LEPR: variants seen among roughly 807,000 people sequenced by gnomAD.
The protein encoded by LEPR is leptin receptor.
Under a neutral mutation model 114.7 loss-of-function variants are expected in LEPR, and 56 were observed. That is an observed-to-expected ratio of 0.49 (90% CI 0.39 to 0.61). The LOEUF (loss-of-function observed/expected upper bound fraction) is 0.61, where lower values mean the gene tolerates loss of function less well. Among genes scored for constraint, LEPR ranks in the 20% least tolerant of loss-of-function variants. The pLI is 0.00. For synonymous variants in LEPR, 443 were observed against 461.4 expected (o/e 0.96, Z 0.51); for missense variants, 1,202 against 1,352.9 (o/e 0.89, Z 1.75).
At chr1:65,568,602 C>G (rs933728770) in intron 3 of LEPR, among the ~76,000 whole-genome samples, 4 of 151,768 alleles carry the variant, frequency 2.6e-5, no homozygotes, top group Non-Finnish European at 4.4e-5. Flanking sequence ...GATTCCATGA[C>G]TTTGCTATTG....
chr1:65,420,677 G>A lies in LEPR; in HGVS notation c.-160G>A, dbSNP rs778179157. ...CCGGTCTGGCTTGGGCAGGCTGCCC[G>A]GGCCGTGGCAGGAAGCCGGAAGCAG... On this transcript the variant is annotated 5_prime_UTR_variant, in exon 1 of 20. Transcript: ENST00000349533. 6.4e-7 allele frequency: 1 copy of A among 1,563,542 alleles called. No individual in the cohort carries two copies.
chr1:65,480,912 G>T (rs934335894), intron 2 of LEPR, among the ~76,000 whole-genome samples: 1 of 152,148 alleles, frequency 6.6e-6, no homozygotes, highest in Admixed American at 6.5e-5. Context: ...TGAACAACTA[G>T]CTTACACTCC....
intron 5 of LEPR, among the ~76,000 whole-genome samples, chr1:65,583,044 G>A (rs1655097830): frequency 6.6e-6 from 1 of 151,076 alleles, no homozygotes; most frequent in Non-Finnish European, 1.5e-5. Context: ...TGGAAAAAAT[G>A]TAGGAAATAA....
chr1:65,630,972 CTT>C (rs1469942933), intron 19 of LEPR, among the ~76,000 whole-genome samples: 1 of 152,056 alleles, frequency 6.6e-6, no homozygotes, highest in Non-Finnish European at 1.5e-5. Flanking sequence ...CTTGGCCTCT[CTT>C]TTATTATCTC....
chr1:65,534,002 TTC>T (rs892290772), intron 2 of LEPR, among the ~76,000 whole-genome samples: 3 of 152,154 alleles, frequency 2.0e-5, no homozygotes, highest in Non-Finnish European at 2.9e-5. Context: ...CATTCAACCT[TTC>T]TATATTCTTA....
chr1:65,634,260 G>T (rs55951186), intron 19 of LEPR: 31 of 976,930 alleles, frequency 3.2e-5, no homozygotes, highest in Admixed American at 6.2e-5. Flanking sequence ...GATTTAACTC[G>T]TAGTTTTATT....
chr1:65,503,170 G>A (rs1261332209), intron 2 of LEPR, among the ~76,000 whole-genome samples: 1 of 152,110 alleles, frequency 6.6e-6, no homozygotes, highest in Non-Finnish European at 1.5e-5. Flanking sequence ...AGGTTGAACA[G>A]GTGAAGCACA....
rs1307142985 is a variant in LEPR at position 65,640,695 on chromosome 1, A to G, written c.*3680A>G. The G allele has an allele frequency of 6.6e-6, 1 of 152,022 alleles. No individual in the cohort carries two copies. The highest frequency in any genetic ancestry group is 1.5e-5 in the Non-Finnish European group (1 of 67,996). The allele number at this position is 152,022 out of a possible 1,614,324, so 9.4% of individuals were successfully genotyped here. Reference sequence around the variant, plus strand: ...AGAACTGGGATATTGTTACATATTCAGCCTGTATGAGAACTGGGATATTGT... The same window carrying G: ...AGAACTGGGATATTGTTACATATTCGGCCTGTATGAGAACTGGGATATTGT... On this transcript the variant is annotated 3_prime_UTR_variant, in exon 20 of 20. Coordinates refer to ENST00000349533, the MANE Select transcript of LEPR (RefSeq NM_002303.6).
At chr1:65,544,300 A>G (rs1277120805) in intron 2 of LEPR, among the ~76,000 whole-genome samples, 2 of 152,038 alleles carry the variant, frequency 1.3e-5, no homozygotes, top group Non-Finnish European at 2.9e-5. Context: ...TTGTATCCTG[A>G]GACTTTGCTG....
At chr1:65,554,776 A>C (rs1652694567) in intron 2 of LEPR, among the ~76,000 whole-genome samples, 1 of 151,992 alleles carries the variant, frequency 6.6e-6, no homozygotes, top group South Asian at 2.1e-4. Context: ...AAACTCCTGC[A>C]ACTAGTTTGG....
intron 2 of LEPR, among the ~76,000 whole-genome samples, chr1:65,448,669 G>A (rs1240569882): frequency 1.3e-5 from 2 of 152,028 alleles, no homozygotes; most frequent in Non-Finnish European, 2.9e-5. Flanking sequence ...TGTTTTGGAA[G>A]GTTATTATTT....
chr1:65,488,226 C>CTCTCTCTCTCTTTCTTTCTTTCTTTCTT (rs1553157734), intron 2 of LEPR, among the ~76,000 whole-genome samples: 87 of 67,878 alleles, frequency 1.3e-3, no homozygotes, highest in African/African-American at 2.9e-3. Flanking sequence ...CTCTCTCTCT[C>CTCTCTCTCTCTTTCTTTCTTTCTTTCTT]TCTTTCTTTC....
chr1:65,457,530 T>A (rs1237710115), intron 2 of LEPR, among the ~76,000 whole-genome samples: 4 of 152,174 alleles, frequency 2.6e-5, no homozygotes, highest in African/African-American at 9.7e-5. Context: ...TTCAAAAAAA[T>A]TGTTTATATA....
chr1:65,502,216 T>C (rs751990024), intron 2 of LEPR, among the ~76,000 whole-genome samples: 1 of 152,136 alleles, frequency 6.6e-6, no homozygotes, highest in Non-Finnish European at 1.5e-5. Context: ...TAATGTAATA[T>C]GTCTTATGAA....
intron 2 of LEPR, among the ~76,000 whole-genome samples, chr1:65,430,531 T>C (rs184424324): frequency 8.5e-5 from 13 of 152,326 alleles, no homozygotes; most frequent in Admixed American, 8.5e-4. Flanking sequence ...ACAAAAACTT[T>C]CTTTTTGTCT....
chr1:65,584,711 TGG>T (rs1028815256), intron 5 of LEPR, among the ~76,000 whole-genome samples: 1 of 152,116 alleles, frequency 6.6e-6, no homozygotes, highest in African/African-American at 2.4e-5. Flanking sequence ...CTAAGGCTAA[TGG>T]GTACATGGTC....
At chr1:65,469,904 G>C (rs1047379245) in intron 2 of LEPR, among the ~76,000 whole-genome samples, 1 of 152,184 alleles carries the variant, frequency 6.6e-6, no homozygotes, top group African/African-American at 2.4e-5. Context: ...AATGGAGAAA[G>C]CCAGGCCTGA....
intron 2 of LEPR, among the ~76,000 whole-genome samples, chr1:65,521,919 G>A (rs923512375): frequency 3.3e-5 from 5 of 152,074 alleles, no homozygotes; most frequent in African/African-American, 4.8e-5. Flanking sequence ...GGTCAACATT[G>A]TGAAACCCCG....
intron 2 of LEPR, among the ~76,000 whole-genome samples, chr1:65,502,946 A>G (rs1299302237): frequency 6.6e-6 from 1 of 151,652 alleles, no homozygotes; most frequent in African/African-American, 2.4e-5. Context: ...AATGAAGTTA[A>G]TACAAAAAGA....
Sources: gnomAD v4.1 joint callset for allele counts (sites outside exome capture counted in the v4.1 genomes callset) on GRCh38, gnomAD v4.1.1 for gene constraint, MANE v1.5 for transcripts, NCBI Gene and HGNC (gene_info 2026-07-23, HGNC 2026-07-21) for gene names.